The following PTPRD variants were observed in gnomAD, a reference collection of about 807,000 sequenced individuals.
PTPRD encodes protein tyrosine phosphatase receptor type D.
PTPRD carries 34 observed loss-of-function variants against 214.5 expected under a neutral mutation model. The ratio of observed to expected loss-of-function variants is 0.16; its 90% CI spans 0.12 to 0.21. The LOEUF is 0.21. Among genes scored for constraint, PTPRD ranks in the 10% least tolerant of loss-of-function variants. The probability of loss-of-function intolerance (pLI) is 1.00; values close to 1 mark genes in which losing one functional copy is unlikely to be tolerated. For missense variants in PTPRD, 2,545 were observed against 2,398.7 expected, an observed-to-expected ratio of 1.06 and a Z score of -1.27; for synonymous variants, 1,128 against 845.7, an observed-to-expected ratio of 1.33 and a Z score of -5.79.
At chr9:8,743,794 TAAC>T (rs1450055655) in intron 11 of PTPRD, among the ~76,000 whole-genome samples, 5 of 80,980 alleles carry the variant, frequency 6.2e-5, no homozygotes, top group East Asian at 2.8e-4. Context: ...CAGCAAAAAA[TAAC>T]AATAATAATA....
intron 14 of PTPRD, among the ~76,000 whole-genome samples, chr9:8,532,382 A>G (rs750126586): frequency 5.3e-5 from 8 of 152,200 alleles, no homozygotes; most frequent in Non-Finnish European, 1.0e-4. Flanking sequence ...AGTGATTTAT[A>G]TAAAACTGCC....
chr9:10,372,332 T>G (rs2097643466), intron 2 of PTPRD, among the ~76,000 whole-genome samples: 1 of 152,046 alleles, frequency 6.6e-6, no homozygotes, highest in Non-Finnish European at 1.5e-5. Context: ...TTGAGTAGGT[T>G]GTAAAAGTGC....
intron 12 of PTPRD, among the ~76,000 whole-genome samples, chr9:8,663,276 T>A (rs575995251): frequency 2.0e-5 from 3 of 147,056 alleles, no homozygotes; most frequent in African/African-American, 7.8e-5. Flanking sequence ...AGTATTGAGA[T>A]AATTGGCTTT....
At chr9:9,966,366 C>T (rs1408211420) in intron 4 of PTPRD, among the ~76,000 whole-genome samples, 2 of 152,108 alleles carry the variant, frequency 1.3e-5, no homozygotes, top group East Asian at 1.9e-4. Flanking sequence ...TTTGACACAT[C>T]ATATGTTCTT....
chr9:9,304,296 A>C (rs1956401201), intron 9 of PTPRD, among the ~76,000 whole-genome samples: 1 of 152,278 alleles, frequency 6.6e-6, no homozygotes, highest in African/African-American at 2.4e-5. Flanking sequence ...GTGAAAAATA[A>C]GTTTGTAATT....
At chr9:9,560,091 A>T (rs2082522836) in intron 8 of PTPRD, among the ~76,000 whole-genome samples, 2 of 152,148 alleles carry the variant, frequency 1.3e-5, no homozygotes, top group African/African-American at 4.8e-5. Flanking sequence ...CACAGCAGGT[A>T]CTCTTTGAAC....
At chr9:9,963,899 T>G (rs981105540) in intron 4 of PTPRD, among the ~76,000 whole-genome samples, 1 of 152,222 alleles carries the variant, frequency 6.6e-6, no homozygotes, top group African/African-American at 2.4e-5. Context: ...AGTGAAGTTC[T>G]TATTTACAAA....
At chr9:8,889,057 A>G (rs1245996725) in intron 11 of PTPRD, among the ~76,000 whole-genome samples, 1 of 152,226 alleles carries the variant, frequency 6.6e-6, no homozygotes, top group South Asian at 2.1e-4. Flanking sequence ...ATCTATTATT[A>G]GACCTGTGTC....
intron 10 of PTPRD, among the ~76,000 whole-genome samples, chr9:9,149,540 G>A (rs1337025872): frequency 6.6e-6 from 1 of 152,136 alleles, no homozygotes; most frequent in African/African-American, 2.4e-5. Context: ...ACTCCACAAA[G>A]TTCACGGGTT....
chr9:10,487,112 A>G (rs2132474267), intron 2 of PTPRD, among the ~76,000 whole-genome samples: 1 of 152,232 alleles, frequency 6.6e-6, no homozygotes, highest in South Asian at 2.1e-4. Flanking sequence ...TATCACGAGT[A>G]TAGCTACTCT....
At chr9:10,462,493 T>C (rs2098966049) in intron 2 of PTPRD, among the ~76,000 whole-genome samples, 1 of 152,168 alleles carries the variant, frequency 6.6e-6, no homozygotes, top group Non-Finnish European at 1.5e-5. Flanking sequence ...CCTGGCTCAT[T>C]CAAAAGCCTG....
intron 9 of PTPRD, among the ~76,000 whole-genome samples, chr9:9,295,502 C>A (rs1285710767): frequency 6.6e-6 from 1 of 151,666 alleles, no homozygotes; most frequent in Non-Finnish European, 1.5e-5. Flanking sequence ...TTTGAAAGTA[C>A]ATGAACAACC....
At chr9:8,743,117 G>GA (rs997376242) in intron 11 of PTPRD, among the ~76,000 whole-genome samples, 13 of 148,542 alleles carry the variant, frequency 8.8e-5, no homozygotes, top group African/African-American at 2.9e-4. Context: ...AAAAAAAAGG[G>GA]GGGGGGGACT....
intron 2 of PTPRD, among the ~76,000 whole-genome samples, chr9:10,465,136 A>G (rs2131448914): frequency 6.6e-6 from 1 of 152,300 alleles, no homozygotes; most frequent in Admixed American, 6.5e-5. Flanking sequence ...CACTAATAAC[A>G]ATAAAGAAAG....
chr9:8,600,383 C>T (rs1047877809), intron 14 of PTPRD, among the ~76,000 whole-genome samples: 22 of 152,080 alleles, frequency 1.4e-4, no homozygotes, highest in African/African-American at 5.1e-4. Context: ...ACTGGGCTCA[C>T]GGCCAGTGGA....
intron 7 of PTPRD, among the ~76,000 whole-genome samples, chr9:9,609,211 T>C (rs985895363): frequency 6.6e-6 from 1 of 152,118 alleles, no homozygotes; most frequent in Middle Eastern, 3.2e-3. Context: ...AAAAGCCCAA[T>C]ATTTAAAAAC....
chr9:9,551,816 C>T (rs539038466), intron 8 of PTPRD, among the ~76,000 whole-genome samples: 2 of 152,030 alleles, frequency 1.3e-5, no homozygotes, highest in South Asian at 2.1e-4. Context: ...TATGTATCTG[C>T]TAGTGGACTG....
At chr9:10,140,477 G>A (rs552900550) in intron 3 of PTPRD, among the ~76,000 whole-genome samples, 41 of 152,010 alleles carry the variant, frequency 2.7e-4, no homozygotes, top group Non-Finnish European at 4.6e-4. Context: ...ACACCTCTAC[G>A]CAAATAAACT....
At chr9:9,284,334 T>G (rs1397583893) in intron 9 of PTPRD, among the ~76,000 whole-genome samples, 1 of 151,656 alleles carries the variant, frequency 6.6e-6, no homozygotes, top group Non-Finnish European at 1.5e-5. Context: ...TTAAAACCTT[T>G]TGATCCTAAA....
Sources: gnomAD v4.1 joint callset for allele counts (sites outside exome capture counted in the v4.1 genomes callset) on GRCh38, gnomAD v4.1.1 for gene constraint, MANE v1.5 for transcripts, NCBI Gene and HGNC (gene_info 2026-07-23, HGNC 2026-07-21) for gene names.